SLC39A10: variants seen among roughly 807,000 people sequenced by gnomAD.
The protein encoded by SLC39A10 is zinc transporter ZIP10.
SLC39A10 carries 13 observed loss-of-function variants against 65.1 expected under a neutral mutation model. That is an observed-to-expected ratio of 0.20 (90% CI 0.13 to 0.32). The LOEUF (loss-of-function observed/expected upper bound fraction) is 0.32. Among genes scored for constraint, SLC39A10 ranks in the 10% least tolerant of loss-of-function variants. The pLI, the probability that SLC39A10 is intolerant of heterozygous loss-of-function variation, is 1.00. For synonymous variants in SLC39A10, 321 were observed against 342.2 expected (o/e 0.94, Z 0.68); for missense variants, 831 against 1,018.4 (o/e 0.82, Z 2.50).
chr2:195,629,164 G>A (rs967084208), intron 2 of SLC39A10, among the ~76,000 whole-genome samples: 3 of 151,950 alleles, frequency 2.0e-5, no homozygotes, highest in East Asian at 1.9e-4. Flanking sequence ...CAAGGTGAGC[G>A]GATCACGAGG....
At chr2:195,646,355 T>C (rs912474784) in intron 2 of SLC39A10, among the ~76,000 whole-genome samples, 1 of 152,218 alleles carries the variant, frequency 6.6e-6, no homozygotes, top group Non-Finnish European at 1.5e-5. Context: ...CCACTGTCAC[T>C]TCTCACATGG....
At chr2:195,706,529 T>G in intron 3 of SLC39A10, 87 bp from the exon 4 acceptor site, 1 of 1,281,850 alleles carries the variant, frequency 7.8e-7, no homozygotes, top group Non-Finnish European at 1.1e-6. Flanking sequence ...CCTTCTACGA[T>G]TCATTTATCT....
chr2:195,657,515 G>C (rs576031398), intron 1 of SLC39A10: 11 of 985,468 alleles, frequency 1.1e-5, no homozygotes, highest in Non-Finnish European at 1.3e-5. Context: ...GCGGCTCCTC[G>C]TGTGCGGTCT....
At chr2:195,667,019 T>C (rs924894293) in intron 1 of SLC39A10, among the ~76,000 whole-genome samples, 2 of 152,256 alleles carry the variant, frequency 1.3e-5, no homozygotes, top group Non-Finnish European at 2.9e-5. Flanking sequence ...CATGAATGTA[T>C]AGAATACAAT....
intron 2 of SLC39A10, among the ~76,000 whole-genome samples, chr2:195,635,347 T>C (rs1317371187): frequency 6.6e-6 from 1 of 152,210 alleles, no homozygotes; most frequent in Non-Finnish European, 1.5e-5. Flanking sequence ...AAATGGAATA[T>C]CAATTGGCTT....
At chr2:195,696,848 A>G (rs1452083232) in intron 3 of SLC39A10, among the ~76,000 whole-genome samples, 1 of 152,188 alleles carries the variant, frequency 6.6e-6, no homozygotes, top group Admixed American at 6.5e-5. Flanking sequence ...AATTGTAAGG[A>G]TATGCAGCAG....
intron 2 of SLC39A10, among the ~76,000 whole-genome samples, chr2:195,631,169 G>A (rs1326765978): frequency 6.6e-6 from 1 of 152,008 alleles, no homozygotes; most frequent in African/African-American, 2.4e-5. Flanking sequence ...CTGGGAGACA[G>A]AGTGAGACTC....
chr2:195,708,693 A>G lies in SLC39A10; in HGVS notation c.1424A>G (p.His475Arg), dbSNP rs1191625554. 1.2e-6 allele frequency: 2 copies of G among 1,610,284 alleles called. No individual in the cohort carries two copies. The highest frequency in any genetic ancestry group is 1.7e-6 in the Non-Finnish European group (2 of 1,178,364). ...CATGATCACAGTCACCAACATGCAC[A>G]TGGGCATGGACATTCTCATGGACAT... ...GGHDHSHQHA[H>R]GHGHSHGHES... Residue 475 changes from histidine to arginine, a missense_variant, in exon 5 of 10, where the codon CAT becomes CGT. This residue lies in a region of SLC39A10 where 230 missense variants were observed against 242.9 expected (regional missense o/e 0.95). Coordinates refer to ENST00000359634, the MANE Select transcript of SLC39A10 (RefSeq NM_020342.3).
intron 3 of SLC39A10, among the ~76,000 whole-genome samples, chr2:195,700,559 C>T (rs1223700627): frequency 6.6e-6 from 1 of 152,160 alleles, no homozygotes; most frequent in African/African-American, 2.4e-5. Context: ...GTTTAGTGTC[C>T]TTTCCCCTTG....
At chr2:195,618,019 G>A (rs547100960) in intron 2 of SLC39A10, among the ~76,000 whole-genome samples, 105 of 150,318 alleles carry the variant, frequency 7.0e-4, no homozygotes, top group South Asian at 4.8e-3. Context: ...GATTACAGGC[G>A]TGAGCCACCT....
At chr2:195,636,872 T>TA (rs1380550766) in intron 2 of SLC39A10, among the ~76,000 whole-genome samples, 1 of 152,018 alleles carries the variant, frequency 6.6e-6, no homozygotes, top group African/African-American at 2.4e-5. Flanking sequence ...CCCATCTCCA[T>TA]AAAAAATTAA....
chr2:195,673,637 G>C (rs1689965417), intron 1 of SLC39A10, among the ~76,000 whole-genome samples: 1 of 152,128 alleles, frequency 6.6e-6, no homozygotes, highest in Non-Finnish European at 1.5e-5. Context: ...CACTAGAAAG[G>C]CTGGATAAGT....
At chr2:195,653,026 C>T (rs913148924), upstream of SLC39A10, among the ~76,000 whole-genome samples, 2 of 152,126 alleles carry the variant, frequency 1.3e-5, no homozygotes, top group Non-Finnish European at 2.9e-5. Context: ...CCCACCCACC[C>T]CCATCTGTGG....
At chr2:195,731,862 A>G (rs985416970) in intron 9 of SLC39A10, among the ~76,000 whole-genome samples, 2 of 152,192 alleles carry the variant, frequency 1.3e-5, no homozygotes, top group African/African-American at 4.8e-5. Context: ...TTGAACAGTA[A>G]GTCTATAGCT....
intron 1 of SLC39A10, among the ~76,000 whole-genome samples, chr2:195,676,101 C>G (rs753173327): frequency 1.3e-5 from 2 of 151,946 alleles, no homozygotes; most frequent in Admixed American, 1.3e-4. Flanking sequence ...TTTATATACT[C>G]TGGATACTGA....
At chr2:195,707,406 T>A (rs1349029747) in intron 4 of SLC39A10, among the ~76,000 whole-genome samples, 2 of 152,200 alleles carry the variant, frequency 1.3e-5, no homozygotes, top group Non-Finnish European at 2.9e-5. Context: ...CTCTTACTAT[T>A]TTTACTTCAA....
intron 2 of SLC39A10, among the ~76,000 whole-genome samples, chr2:195,618,472 G>A (rs1688276046): frequency 6.6e-6 from 1 of 152,150 alleles, no homozygotes; most frequent in East Asian, 1.9e-4. Context: ...AGTAAATGAA[G>A]TGTTGGGGAA....
intron 2 of SLC39A10, among the ~76,000 whole-genome samples, chr2:195,637,406 A>T (rs1406093454): frequency 1.3e-5 from 2 of 152,146 alleles, no homozygotes; most frequent in African/African-American, 2.4e-5. Context: ...TATTTATCTC[A>T]TACCAGGACT....
chr2:195,641,323 T>C (rs1438531798), intron 2 of SLC39A10, among the ~76,000 whole-genome samples: 1 of 152,154 alleles, frequency 6.6e-6, no homozygotes, highest in African/African-American at 2.4e-5. Context: ...AGGAAAAGCA[T>C]GACAGCTGAG....
Sources: allele counts gnomAD v4.1 joint callset (sites outside exome capture counted in the v4.1 genomes callset), GRCh38; gene constraint gnomAD v4.1.1; regional missense constraint gnomAD v4.1.1; transcripts MANE v1.5; gene names NCBI Gene and HGNC (gene_info 2026-07-23, HGNC 2026-07-21).